CCDC102B: variants seen among roughly 807,000 people sequenced by gnomAD.
CCDC102B encodes the protein coiled-coil domain-containing protein 102B.
Under a neutral mutation model 57.4 loss-of-function variants are expected in CCDC102B, and 75 were observed. That is an observed-to-expected ratio of 1.31 (90% CI 1.08 to 1.58). The LOEUF is 1.58. CCDC102B is among the 40% of genes most tolerant of loss of function. CCDC102B has a pLI of 0.00. For missense variants in CCDC102B, 636 were observed against 582.6 expected (o/e 1.09, Z -0.94); for synonymous variants, 206 against 201.9 (o/e 1.02, Z -0.17).
chr18:68,870,284 A>G (rs9946308), intron 4 of CCDC102B, among the ~76,000 whole-genome samples: 54,162 of 151,912 alleles, frequency 0.36, 10,313 homozygotes, highest in East Asian at 0.62. Flanking sequence ...GGTGCAGCAA[A>G]CCACCATGAC....
intron 4 of CCDC102B, among the ~76,000 whole-genome samples, chr18:68,868,288 T>C: frequency 6.6e-6 from 1 of 152,166 alleles, no homozygotes; most frequent in East Asian, 1.9e-4. Flanking sequence ...AGATAAGTCA[T>C]TTGACATCCT....
Position 68,732,392 on chromosome 18 carries a change from C to G in CCDC102B, c.-67+15798C>G, listed in dbSNP as rs531620941. 1.7e-4 allele frequency among the ~76,000 whole-genome samples: 25 copies of G among 151,266 alleles called. No homozygotes were observed. The South Asian group carries it at 5.2e-3, about 32-fold the overall frequency. ...ATGGAGTGTTGCTCTGTCACCCAGGCTGGAGTGCAGTGGCGTGATCTCAGC... is the reference window on the plus strand; with the variant it reads ...ATGGAGTGTTGCTCTGTCACCCAGGGTGGAGTGCAGTGGCGTGATCTCAGC... On this transcript the variant is annotated intron_variant, in intron 2 of 3. Transcript: ENST00000578970.
At chr18:69,046,712 CT>C (rs2145487193) in intron 7 of CCDC102B, among the ~76,000 whole-genome samples, 1 of 151,990 alleles carries the variant, frequency 6.6e-6, no homozygotes, top group Non-Finnish European at 1.5e-5. Context: ...TATTCCAGGG[CT>C]TTTATAGTTT....
At chr18:69,018,687 A>G (rs1568128825) in intron 7 of CCDC102B, among the ~76,000 whole-genome samples, 1 of 152,126 alleles carries the variant, frequency 6.6e-6, no homozygotes, top group Non-Finnish European at 1.5e-5. Flanking sequence ...TTTATAAGTT[A>G]TATGGCTTGA....
At chr18:68,922,280 G>T (rs933116891) in intron 6 of CCDC102B, among the ~76,000 whole-genome samples, 30 of 152,268 alleles carry the variant, frequency 2.0e-4, no homozygotes, top group African/African-American at 6.5e-4. Flanking sequence ...TAGATTATGG[G>T]TTGTTAATTG....
intron 2 of CCDC102B, among the ~76,000 whole-genome samples, chr18:68,748,205 G>GGTATGTGTGTGTGTGTGTGTATGT: frequency 7.3e-6 from 1 of 137,504 alleles, no homozygotes; most frequent in South Asian, 2.6e-4. Flanking sequence ...TTATTAAACT[G>GGTATGTGTGTGTGTGTGTGTATGT]GTGTGTGTGT....
chr18:68,838,706 G>T lies in CCDC102B; in HGVS notation c.607G>T (p.Glu203Ter). The T allele has an allele frequency of 6.2e-7, 1 of 1,613,024 alleles. No homozygotes were observed. Among genetic ancestry groups the T allele is most frequent in the South Asian group, 1.1e-5 (1 of 90,914 alleles). Residue 203 changes from glutamate (E) to a stop codon, truncating the protein, a stop_gained and splice_region_variant, in exon 3 of 8, where the codon GAA (glutamate) becomes TAA (stop). Coordinates refer to ENST00000360242, the MANE Select transcript of CCDC102B (RefSeq NM_024781.3). LOFTEE classifies it high-confidence loss of function. ...FSTKEDTNNK[E>*]QGVVIDSLKL... The stretch of plus-strand genomic sequence containing the variant: ...ATGTTTTGTTTTGTTTTGTCTTCAG[G>T]AACAAGGTGTGGTTATTGATTCTCT...
chr18:68,816,794 C>A (rs1265694378), intron 1 of CCDC102B, among the ~76,000 whole-genome samples: 1 of 152,124 alleles, frequency 6.6e-6, no homozygotes, highest in African/African-American at 2.4e-5. Flanking sequence ...AACAAAAAGT[C>A]TTGCAGAAAA....
intron 6 of CCDC102B, among the ~76,000 whole-genome samples, chr18:68,983,687 G>A (rs1038756496): frequency 1.3e-5 from 2 of 151,936 alleles, no homozygotes; most frequent in Non-Finnish European, 2.9e-5. Flanking sequence ...GTGTTTACTA[G>A]GAGATTGCAT....
intron 1 of CCDC102B, among the ~76,000 whole-genome samples, chr18:68,817,245 G>C (rs565439500): frequency 2.2e-4 from 34 of 152,196 alleles, no homozygotes; most frequent in Non-Finnish European, 4.1e-4. Context: ...ACATTTGAAT[G>C]CAGGTTTGTT....
chr18:68,975,079 A>T (rs1201510133), intron 6 of CCDC102B, among the ~76,000 whole-genome samples: 1 of 151,968 alleles, frequency 6.6e-6, no homozygotes, highest in Non-Finnish European at 1.5e-5. Flanking sequence ...AATAGATGGA[A>T]TGTAAAACCT....
At chr18:68,742,327 A>C (rs555916965) in intron 2 of CCDC102B, among the ~76,000 whole-genome samples, 1 of 152,092 alleles carries the variant, frequency 6.6e-6, no homozygotes, top group African/African-American at 2.4e-5. Flanking sequence ...CTATAAGAGC[A>C]CCAGTCATAT....
chr18:68,865,580 G>GC (rs769263031), intron 4 of CCDC102B, among the ~76,000 whole-genome samples: 2 of 152,056 alleles, frequency 1.3e-5, no homozygotes, highest in African/African-American at 2.4e-5. Context: ...GAAGTACTTT[G>GC]CAAGCAAGTT....
intron 6 of CCDC102B, among the ~76,000 whole-genome samples, chr18:69,002,646 T>C (rs948893019): frequency 1.3e-5 from 2 of 152,188 alleles, no homozygotes; most frequent in African/African-American, 2.4e-5. Context: ...CAGATGAAAA[T>C]ATCGTAACTG....
At chr18:69,014,137 G>A (rs1284465216) in intron 7 of CCDC102B, among the ~76,000 whole-genome samples, 2 of 151,960 alleles carry the variant, frequency 1.3e-5, no homozygotes, top group Non-Finnish European at 2.9e-5. Context: ...GAAATTTATT[G>A]GAATCAAATA....
intron 2 of CCDC102B, among the ~76,000 whole-genome samples, chr18:68,731,794 C>T (rs1206905810): frequency 6.7e-6 from 1 of 149,406 alleles, no homozygotes; most frequent in Non-Finnish European, 1.5e-5. Context: ...CAAAACTCTT[C>T]AGACAGACAA....
chr18:68,995,785 G>A (rs1427921097), intron 6 of CCDC102B, among the ~76,000 whole-genome samples: 1 of 152,152 alleles, frequency 6.6e-6, no homozygotes, highest in Admixed American at 6.5e-5. Context: ...CCCTAGTGGA[G>A]CTGTGAGAAG....
At chr18:68,935,402 TG>T (rs1422290512) in intron 6 of CCDC102B, among the ~76,000 whole-genome samples, 1 of 151,956 alleles carries the variant, frequency 6.6e-6, no homozygotes, top group East Asian at 1.9e-4. Flanking sequence ...GAAATGAATG[TG>T]TATCAGCCGT....
At chr18:68,959,117 T>C (rs1422439915) in intron 6 of CCDC102B, among the ~76,000 whole-genome samples, 4 of 152,116 alleles carry the variant, frequency 2.6e-5, no homozygotes, top group Admixed American at 1.3e-4. Context: ...TCGCAGTCTG[T>C]ACTTTTTTTG....
Sources: gnomAD v4.1 joint callset for allele counts (sites outside exome capture counted in the v4.1 genomes callset) on GRCh38, gnomAD v4.1.1 for gene constraint, MANE v1.5 for transcripts, NCBI Gene and HGNC (gene_info 2026-07-23, HGNC 2026-07-21) for gene names.